Variants in TRIM10 observed in about 807,000 individuals in gnomAD.
TRIM10 encodes the protein tripartite motif containing 10, also known as tripartite motif-containing protein 10.
Under a neutral mutation model 40.0 loss-of-function variants are expected in TRIM10, and 42 were observed. That is an observed-to-expected ratio of 1.05 (90% CI 0.82 to 1.36). The LOEUF is 1.36. Among genes scored for constraint, TRIM10 ranks in the 40% most tolerant of loss-of-function variants. The pLI is 0.00. For synonymous variants in TRIM10, 260 were observed against 239.5 expected (o/e 1.09, Z -0.79); for missense variants, 601 against 608.3 (o/e 0.99, Z 0.13).
chr6:30,155,627 A>G (rs1013617741), intron 6 of TRIM10, 100 bp downstream of exon 6: 12 of 1,043,128 alleles, frequency 1.2e-5, no homozygotes, highest in Non-Finnish European at 1.7e-5. Context: ...TGTTATGACT[A>G]TTGTCATAGT....
At chr6:30,163,912 C>T (rs1252502140), upstream of TRIM10, 1 of 1,613,076 alleles carries the variant, frequency 6.2e-7, no homozygotes. Flanking sequence ...TGCCCCTGGG[C>T]CCGCTGGGAG....
In TRIM10 at chr6:30,154,207, C is replaced by T. The variant is rs889289725; in HGVS notation, c.1208G>A (p.Trp403Ter). The change falls in exon 7 of 7, where the codon TGG becomes TAG. Residue 403 changes from tryptophan to a stop codon, truncating the protein, a stop_gained. Coordinates refer to ENST00000449742, the MANE Select transcript of TRIM10 (RefSeq NM_006778.4). LOFTEE classifies it high-confidence loss of function. ...ELRLRPEEGVWAVRLAWGFVS... is the reference protein window; with the variant it reads ...ELRLRPEEGV ...GAAGCCCCAAGCCAGCCTCACAGCC[C>T]ACACCCCCTCCTCTGGCCGCAGCCG... 3 of 1,612,568 alleles carry T rather than the reference C, an allele frequency of 1.9e-6. No homozygotes were observed. In the African/African-American group the frequency reaches 4.0e-5, roughly 22 times the overall value.
In TRIM10 at chr6:30,153,377, G is replaced by A. The variant is rs1219757112; in HGVS notation, c.*592C>T. ...CCTGAACTCCCATAATGCTGGGGTTGGACTTCCCGTAACACCCACCACACT... is the reference window on the plus strand; with the variant it reads ...CCTGAACTCCCATAATGCTGGGGTTAGACTTCCCGTAACACCCACCACACT... On this transcript the variant is annotated 3_prime_UTR_variant, in exon 7 of 7. Coordinates refer to ENST00000449742, the MANE Select transcript of TRIM10 (RefSeq NM_006778.4). The A allele has an allele frequency of 3.1e-6, 1 of 324,628 alleles. No homozygotes were observed. The highest frequency in any genetic ancestry group is 2.1e-5 in the African/African-American group (1 of 47,782). The allele number at this position is 324,628 out of a possible 1,614,324, so 20.1% of individuals were successfully genotyped here.
At position 30,154,450 on chromosome 6, in the gene TRIM10, T is replaced by C; in HGVS notation, c.965A>G (p.Lys322Arg). 3.7e-6 allele frequency: 6 copies of C among 1,612,518 alleles called. No individual in the cohort carries two copies. The highest frequency in any genetic ancestry group is 5.1e-6 in the Non-Finnish European group (6 of 1,179,982). The stretch of plus-strand genomic sequence containing the variant: ...CTGGTGGTCCTCGGACAAGAGGAGC[T>C]TGGGGTGGGAAGTCTGAGGGTCTAG... Reference protein sequence around the residue: ...ISLDPQTSHPKLLLSEDHQRA... With the variant: ...ISLDPQTSHPRLLLSEDHQRA... Residue 322 changes from lysine to arginine, a missense_variant, in exon 7 of 7, where the codon AAG becomes AGG. Physicochemically the swap from Lys to Arg is conservative, Grantham distance 26. Transcript: ENST00000449742.
chr6:30,159,127 C>G (rs921772365), intron 2 of TRIM10, 23 bp downstream of exon 2: 1 of 1,535,240 alleles, frequency 6.5e-7, no homozygotes, highest in Non-Finnish European at 9.0e-7. Context: ...GGGGAGGAAC[C>G]TGGGGAAGGG....
Position 30,159,147 on chromosome 6 carries a change from T to A in TRIM10, c.525+3A>T. 1 of 1,603,398 alleles carries A rather than the reference T, an allele frequency of 6.2e-7. No homozygotes were observed. Among genetic ancestry groups the A allele is most frequent in the Non-Finnish European group, 8.5e-7 (1 of 1,171,310 alleles). On this transcript the variant is annotated splice_donor_region_variant and intron_variant, in intron 2 of 6. Coordinates refer to ENST00000449742, the MANE Select transcript of TRIM10 (RefSeq NM_006778.4). ...GGAACCTGGGGAAGGGGTGATGACT[T>A]ACCAGGAGGACTTGCATCCTTTTAT...
At position 30,155,743 on chromosome 6, in the gene TRIM10, C is replaced by T; in HGVS notation, c.912G>A (p.Glu304=). Residue 304 remains glutamate, a synonymous_variant, in exon 6 of 7, where the codon GAG becomes GAA. Transcript: ENST00000449742. The part of the protein sequence containing the change: ...MKMFLEKLCF[E]LDYEPAHISL... ...GCTCCTTACCTGGCTCATAGTCCAACTCAAAGCATAGTTTTTCTGTAAAGA... is the reference window on the plus strand; with the variant it reads ...GCTCCTTACCTGGCTCATAGTCCAATTCAAAGCATAGTTTTTCTGTAAAGA... 2.5e-6 allele frequency: 4 copies of T among 1,613,586 alleles called. No individual in the cohort carries two copies. In the South Asian group the frequency reaches 4.4e-5, roughly 18 times the overall value.
rs148108149 is a variant in TRIM10, at chr6:30,154,279, C to T, written c.1136G>A (p.Cys379Tyr). 26 of 1,612,660 alleles carry T rather than the reference C, an allele frequency of 1.6e-5. No individual in the cohort carries two copies. In the African/African-American group the frequency reaches 3.2e-4, roughly 20 times the overall value. ...ATCCTCGCTCACCACGCCCACGGTG[C>T]AGCTGCCCCCATGGGCCAGGTCTAT... ...VSIDLAHGGS[C>Y]TVGVVSEDVQ... The change falls in exon 7 of 7, where the codon TGC becomes TAC. Residue 379 changes from cysteine to tyrosine, a missense_variant. Transcript: ENST00000449742.
Position 30,154,495 on chromosome 6 carries a change from A to T in TRIM10, c.929-9T>A. 6.2e-7 allele frequency: 1 copy of T among 1,607,840 alleles called. No homozygotes were observed. Reference sequence around the variant, plus strand: ...GTCTAGAGAAATGTGAGCTGTGGGGATAACCAAAAGGGACAGATGTCAGCA... The same window carrying T: ...GTCTAGAGAAATGTGAGCTGTGGGGTTAACCAAAAGGGACAGATGTCAGCA... On this transcript the variant is annotated splice_polypyrimidine_tract_variant and intron_variant, in intron 6 of 6. Coordinates refer to ENST00000449742, the MANE Select transcript of TRIM10 (RefSeq NM_006778.4).
At chr6:30,161,973 G>C (rs988633442), upstream of TRIM10, among the ~76,000 whole-genome samples, 2 of 152,110 alleles carry the variant, frequency 1.3e-5, no homozygotes, top group African/African-American at 4.8e-5. Context: ...TTTGTGAAAA[G>C]CCTTTGAAAT....
chr6:30,163,868 G>C, upstream of TRIM10: 1 of 1,613,034 alleles, frequency 6.2e-7, no homozygotes. Flanking sequence ...GCTCTGCCAA[G>C]AGGAGGAGCA....
rs761124652 is a variant in TRIM10, at chr6:30,154,439, A to T, written c.976T>A (p.Ser326Thr). 1.9e-6 allele frequency: 3 copies of T among 1,612,738 alleles called. No homozygotes were observed. Among genetic ancestry groups the T allele is most frequent in the Non-Finnish European group, 2.5e-6 (3 of 1,180,014 alleles). The change falls in exon 7 of 7, where the codon TCC becomes ACC. Residue 326 changes from serine (S) to threonine (T), a missense_variant. Physicochemically the swap from Ser to Thr is moderately conservative, Grantham distance 58. Coordinates refer to ENST00000449742, the MANE Select transcript of TRIM10 (RefSeq NM_006778.4). Reference sequence around the variant, plus strand: ...AACTGAGCTCGCTGGTGGTCCTCGGACAAGAGGAGCTTGGGGTGGGAAGTC... The same window carrying T: ...AACTGAGCTCGCTGGTGGTCCTCGGTCAAGAGGAGCTTGGGGTGGGAAGTC... ...PQTSHPKLLLSEDHQRAQFSY... is the reference protein window; with the variant it reads ...PQTSHPKLLLTEDHQRAQFSY...
At chr6:30,155,801 C>G (rs1326659114) in intron 5 of TRIM10, 42 bp from the exon 6 acceptor site, 1 of 1,592,824 alleles carries the variant, frequency 6.3e-7, no homozygotes, top group African/African-American at 1.3e-5. Context: ...ATTAGTCTTA[C>G]AAAACCATCA....
Position 30,153,525 on chromosome 6 carries a change from T to A in TRIM10, c.*444A>T. Reference sequence around the variant, plus strand: ...GCCACCACACTGCTTGGTTCATAGTTAACACAAACTAAATGGTTCTAGAGA... The same window carrying A: ...GCCACCACACTGCTTGGTTCATAGTAAACACAAACTAAATGGTTCTAGAGA... On this transcript the variant is annotated 3_prime_UTR_variant, in exon 7 of 7. Transcript: ENST00000449742. The A allele has an allele frequency of 1.4e-6, 1 of 690,218 alleles. No individual in the cohort carries two copies. The highest frequency in any genetic ancestry group is 2.5e-6 in the Non-Finnish European group (1 of 406,644). The allele number at this position is 690,218 out of a possible 1,614,324, so 42.8% of individuals were successfully genotyped here.
In TRIM10 at chr6:30,160,647, G is replaced by C. The variant is rs1031356776; in HGVS notation, c.212C>G (p.Pro71Arg). 2.5e-6 allele frequency: 4 copies of C among 1,614,110 alleles called. No homozygotes were observed. The highest frequency in any genetic ancestry group is 1.7e-5 in the Admixed American group (1 of 60,012). ...CACCACGTTAGCCAGCTGCCAGTTG[G>C]GCCGGAAGCTCCCAGGACGGAAGGG... ...KEPFRPGSFR[P>R]NWQLANVVEN... The change falls in exon 1 of 7, where the codon CCC (proline) becomes CGC (arginine). Residue 71 changes from proline to arginine, a missense_variant. Pro to Arg is a moderately radical substitution (Grantham distance 103, BLOSUM62 -2). Coordinates refer to ENST00000449742, the MANE Select transcript of TRIM10 (RefSeq NM_006778.4).
chr6:30,162,774 G>A (rs1213770626), upstream of TRIM10, among the ~76,000 whole-genome samples: 1 of 152,028 alleles, frequency 6.6e-6, no homozygotes, highest in Non-Finnish European at 1.5e-5. Flanking sequence ...AGGTAATAAT[G>A]TTTGCCTAGA....
At chr6:30,154,837 G>A in intron 6 of TRIM10, 1 of 580,342 alleles carries the variant, frequency 1.7e-6, no homozygotes, top group Non-Finnish European at 3.2e-6. Flanking sequence ...GGATCTCCTG[G>A]GGCTGATATA....
rs1439122859 is a variant in TRIM10, at chr6:30,157,468, ATTTTATTTATT to A, written c.757-88_757-78del. ...TTCTTTCCTTTCTTTTTCTACTTTTATTTTATTTATTTTTTATTTGCTTGTTTGTTTGTTTG... is the reference window on the plus strand; with the variant it reads ...TTCTTTCCTTTCTTTTTCTACTTTTATTTTATTTGCTTGTTTGTTTGTTTG... On this transcript the variant is annotated intron_variant, in intron 3 of 6. Transcript: ENST00000449742. 9.3e-6 allele frequency: 13 copies of A among 1,400,156 alleles called. No homozygotes were observed. In the African/African-American group the frequency reaches 1.3e-4, roughly 14 times the overall value. The allele number at this position is 1,400,156 out of a possible 1,614,324, so 86.7% of individuals were successfully genotyped here.
chr6:30,154,223 G>A lies in TRIM10; in HGVS notation c.1192C>T (p.Pro398Ser). ...VQRKGELRLR[P>S]EEGVWAVRLA... Reference sequence around the variant, plus strand: ...CTCACAGCCCACACCCCCTCCTCTGGCCGCAGCCGAAGCTCCCCCTTCCGC... The same window carrying A: ...CTCACAGCCCACACCCCCTCCTCTGACCGCAGCCGAAGCTCCCCCTTCCGC... Residue 398 changes from proline to serine, a missense_variant, in exon 7 of 7, where the codon CCA (proline) becomes TCA (serine). Physicochemically the swap from Pro to Ser is moderately conservative, Grantham distance 74. Coordinates refer to ENST00000449742, the MANE Select transcript of TRIM10 (RefSeq NM_006778.4). The A allele has an allele frequency of 1.2e-6, 2 of 1,612,760 alleles. No homozygotes were observed. The highest frequency in any genetic ancestry group is 1.7e-6 in the Non-Finnish European group (2 of 1,179,900).
Sources: gnomAD v4.1 joint callset for allele counts (sites outside exome capture counted in the v4.1 genomes callset) on GRCh38, gnomAD v4.1.1 for gene constraint, MANE v1.5 for transcripts, NCBI Gene and HGNC (gene_info 2026-07-23, HGNC 2026-07-21) for gene names.